The following CNGA3 variants were observed in gnomAD, a reference collection of about 807,000 sequenced individuals.
The protein encoded by CNGA3 is cyclic nucleotide gated channel subunit alpha 3.
A neutral mutation model predicts 46.6 loss-of-function variants in CNGA3; 42 were observed. The observed-to-expected ratio is 0.90, with a 90% CI of 0.70 to 1.17. The LOEUF (loss-of-function observed/expected upper bound fraction) is 1.17, where lower values mean the gene tolerates loss of function less well. Among genes scored for constraint, CNGA3 ranks in the 50% most tolerant of loss-of-function variants. The pLI, the probability that CNGA3 is intolerant of heterozygous loss-of-function variation, is 0.00. For missense variants in CNGA3, 893 were observed against 890.7 expected (o/e 1.00, Z -0.03); for synonymous variants, 394 against 369.4 (o/e 1.07, Z -0.76).
At chr2:98,381,411 A>G (rs760982010) in intron 4 of CNGA3, among the ~76,000 whole-genome samples, 12 of 152,128 alleles carry the variant, frequency 7.9e-5, no homozygotes, top group Non-Finnish European at 1.3e-4. Flanking sequence ...TCAGGTTTGG[A>G]GCTTCTCAAA....
intron 2 of CNGA3, 40 bp downstream of exon 2, chr2:98,370,116 C>A (rs1692253044): frequency 6.7e-7 from 1 of 1,491,452 alleles, no homozygotes; most frequent in Non-Finnish European, 9.3e-7. Context: ...TTATGCCTGG[C>A]TCTGGTCATT....
At chr2:98,347,908 G>A (rs1227907962) in intron 1 of CNGA3, among the ~76,000 whole-genome samples, 1 of 152,204 alleles carries the variant, frequency 6.6e-6, no homozygotes, top group Non-Finnish European at 1.5e-5. Context: ...TGCTGTCTGG[G>A]CACGGAGTCC....
intron 1 of CNGA3, among the ~76,000 whole-genome samples, chr2:98,358,858 T>A (rs1312834549): frequency 6.6e-6 from 1 of 152,176 alleles, no homozygotes; most frequent in Non-Finnish European, 1.5e-5. Flanking sequence ...AACATAGAAT[T>A]AAAAGGGAAA....
At position 98,385,419 on chromosome 2, in the gene CNGA3, T is replaced by C. The variant is rs1006231447; in HGVS notation, c.449+1978T>C. ...TTATTGAAATACTCTTGCTGAAAAC[T>C]TGGAAAACAAGAAAAGCACACAGGG... On this transcript the variant is annotated intron_variant, in intron 5 of 7. Transcript: ENST00000272602. Among the ~76,000 whole-genome samples, 50 of 152,174 alleles carry C rather than the reference T, an allele frequency of 3.3e-4. 1 individual carries two copies. The highest frequency in any genetic ancestry group is 4.4e-5 in the Non-Finnish European group (3 of 68,040).
In CNGA3 at chr2:98,369,997, T is replaced by C; in HGVS notation, c.22T>C (p.Tyr8His). Residue 8 changes from tyrosine to histidine, a missense_variant, in exon 2 of 8, where the codon TAC (tyrosine) becomes CAC (histidine). Coordinates refer to ENST00000272602, the MANE Select transcript of CNGA3 (RefSeq NM_001298.3). ...GAAGATGGCCAAGATCAACACCCAA[T>C]ACTCCCACCCCTCCAGGACCCACCT... MAKINTQ[Y>H]SHPSRTHLKV... 4.3e-6 allele frequency: 7 copies of C among 1,613,888 alleles called. No homozygotes were observed. The highest frequency in any genetic ancestry group is 5.9e-6 in the Non-Finnish European group (7 of 1,179,928).
intron 1 of CNGA3, among the ~76,000 whole-genome samples, chr2:98,368,048 G>A (rs1008444146): frequency 2.6e-5 from 4 of 152,202 alleles, no homozygotes; most frequent in Admixed American, 2.0e-4. Context: ...CCTATGATCA[G>A]CCAGAAACTC....
chr2:98,373,513 C>T (rs763290613), intron 2 of CNGA3, among the ~76,000 whole-genome samples: 1 of 152,124 alleles, frequency 6.6e-6, no homozygotes, highest in Non-Finnish European at 1.5e-5. Context: ...CCTGAGACTT[C>T]CCTGCCCCAA....
intron 2 of CNGA3, among the ~76,000 whole-genome samples, chr2:98,372,242 G>C (rs1200284734): frequency 6.6e-6 from 1 of 152,194 alleles, no homozygotes; most frequent in Admixed American, 6.5e-5. Flanking sequence ...AGCCCAGCTT[G>C]ACCTGTATCC....
rs776262284 is a variant in CNGA3 at position 98,380,174 on chromosome 2, G to A, written c.216-1G>A. 3 of 1,614,146 alleles carry A rather than the reference G, an allele frequency of 1.9e-6. No homozygotes were observed. The highest frequency in any genetic ancestry group is 1.7e-5 in the Admixed American group (1 of 60,032). On this transcript the variant is annotated splice_acceptor_variant, in intron 3 of 7. Coordinates refer to ENST00000272602, the MANE Select transcript of CNGA3 (RefSeq NM_001298.3). LOFTEE classifies it high-confidence loss of function. ...GGCTCAGTGCTTGTGTCACCTTCCA[G>A]GCTGTCGCGCCTCATCTTCTTGCTG...
intron 1 of CNGA3, among the ~76,000 whole-genome samples, chr2:98,350,110 CAG>C (rs1202571867): frequency 6.6e-6 from 1 of 152,210 alleles, no homozygotes; most frequent in Non-Finnish European, 1.5e-5. Context: ...TATACTAATA[CAG>C]TGTAGGGGTT....
At position 98,397,567 on chromosome 2, in the gene CNGA3, T is replaced by G. The variant is rs550599745; in HGVS notation, c.*312T>G. 3.5e-5 allele frequency: 15 copies of G among 425,020 alleles called. No individual in the cohort carries two copies. The highest frequency in any genetic ancestry group is 6.4e-5 in the Non-Finnish European group (15 of 233,982). The allele number at this position is 425,020 out of a possible 1,614,324, so 26.3% of individuals were successfully genotyped here. A position where few individuals can be genotyped will look rare whatever the true frequency, so the allele number is the denominator to read the frequency against. Reference sequence around the variant, plus strand: ...ACACAGGACTCTCATTACTTTTTTATGGAATCTGCAAGGTGTTTTTAGGCT... The same window carrying G: ...ACACAGGACTCTCATTACTTTTTTAGGGAATCTGCAAGGTGTTTTTAGGCT... On this transcript the variant is annotated 3_prime_UTR_variant, in exon 8 of 8. Coordinates refer to ENST00000272602, the MANE Select transcript of CNGA3 (RefSeq NM_001298.3).
chr2:98,356,476 T>G (rs942906035), intron 1 of CNGA3, among the ~76,000 whole-genome samples: 32 of 152,188 alleles, frequency 2.1e-4, no homozygotes, highest in Non-Finnish European at 7.3e-5. Context: ...TTCGGCTTGT[T>G]TGCCATGGCT....
At chr2:98,370,175 G>A (rs1692254331) in intron 2 of CNGA3, 99 bp downstream of exon 2, 9 of 986,122 alleles carry the variant, frequency 9.1e-6, no homozygotes, top group Non-Finnish European at 1.3e-5. Flanking sequence ...ACGTTGGCCA[G>A]CCACAGGTCA....
At chr2:98,380,425 C>T (rs907618171) in intron 4 of CNGA3, 71 bp downstream of exon 4, 40 of 1,550,150 alleles carry the variant, frequency 2.6e-5, no homozygotes, top group Non-Finnish European at 3.1e-5. Context: ...TGCTTTGCTC[C>T]ATCCTGTTTG....
At chr2:98,358,375 A>G (rs1204931415) in intron 1 of CNGA3, among the ~76,000 whole-genome samples, 1 of 152,234 alleles carries the variant, frequency 6.6e-6, no homozygotes, top group East Asian at 1.9e-4. Context: ...TAATGAATTG[A>G]TGGATCTAGC....
At chr2:98,383,599 C>G (rs528086095) in intron 5 of CNGA3, among the ~76,000 whole-genome samples, 158 bp downstream of exon 5, 2 of 152,298 alleles carry the variant, frequency 1.3e-5, no homozygotes, top group African/African-American at 4.8e-5. Flanking sequence ...GAATTCCATC[C>G]CTGTGGACAG....
Position 98,383,276 on chromosome 2 carries a change from G to A in CNGA3, c.396-112G>A. The A allele has an allele frequency of 3.0e-6, 3 of 1,013,392 alleles. No individual in the cohort carries two copies. The Admixed American group carries it at 5.5e-5, about 19-fold the overall frequency. 62.8% of individuals were successfully genotyped at this position (1,013,392 alleles called of 1,614,324 possible). On this transcript the variant is annotated intron_variant, in intron 4 of 7. Transcript: ENST00000272602. ...TCTTCAAGCTGTGAGTGCAAAGGCTGGAAGCAGTGGGATAGGGATTGGGGG... is the reference window on the plus strand; with the variant it reads ...TCTTCAAGCTGTGAGTGCAAAGGCTAGAAGCAGTGGGATAGGGATTGGGGG...
chr2:98,394,319 G>A (rs1692860441), intron 7 of CNGA3, among the ~76,000 whole-genome samples: 1 of 152,094 alleles, frequency 6.6e-6, no homozygotes, highest in African/African-American at 2.4e-5. Context: ...TTCTTTGGGG[G>A]TGGGTCCCGA....
chr2:98,388,493 G>T (rs549644568), intron 5 of CNGA3, among the ~76,000 whole-genome samples: 1 of 152,140 alleles, frequency 6.6e-6, no homozygotes, highest in Non-Finnish European at 1.5e-5. Flanking sequence ...AGGAAAAGTC[G>T]GTCCCAGCAG....
Sources: allele counts gnomAD v4.1 joint callset (sites outside exome capture counted in the v4.1 genomes callset), GRCh38; gene constraint gnomAD v4.1.1; transcripts MANE v1.5; gene names NCBI Gene and HGNC (gene_info 2026-07-23, HGNC 2026-07-21).